Variants in NACC2 observed in about 807,000 individuals in gnomAD.
NACC2 encodes NACC family member 2, also known as nucleus accumbens-associated protein 2.
In NACC2, 8 loss-of-function variants were observed where a neutral mutation model predicts 25.1. That is an observed-to-expected ratio of 0.32 (90% CI 0.19 to 0.57). NACC2 has a LOEUF of 0.57. NACC2 is among the 20% of genes least tolerant of loss of function. The probability of loss-of-function intolerance (pLI) is 0.89; values close to 1 mark genes in which losing one functional copy is unlikely to be tolerated. For synonymous variants in NACC2, 435 were observed against 294.7 expected, an observed-to-expected ratio of 1.48 and a Z score of -4.88; for missense variants, 644 against 650.2, an observed-to-expected ratio of 0.99 and a Z score of 0.10.
In NACC2 at chr9:136,013,175, CCCGAGAGA is replaced by C; in HGVS notation, c.1255+16_1255+23del. On this transcript the variant is annotated intron_variant, in intron 5 of 5. Coordinates refer to ENST00000277554, the MANE Select transcript of NACC2 (RefSeq NM_144653.5). The surrounding 1 kb of genome is among the most constrained non-coding windows in gnomAD (Gnocchi z 6.6). ...CTGAACCCAGCCCCGGCCCCACCCA[CCCGAGAGA>C]CCCCCAGGCTCTTACATTTCACAGC... 7.0e-7 allele frequency: 1 copy of C among 1,431,448 alleles called. No homozygotes were observed. The allele number at this position is 1,431,448 out of a possible 1,614,324, so 88.7% of individuals were successfully genotyped here. A position where few individuals can be genotyped will look rare whatever the true frequency, so the allele number is the denominator to read the frequency against.
intron 1 of NACC2, among the ~76,000 whole-genome samples, chr9:136,091,863 A>T (rs1830436828): frequency 6.6e-6 from 1 of 152,038 alleles, no homozygotes; most frequent in African/African-American, 2.4e-5. Flanking sequence ...CAACAAACAA[A>T]AAAACAGAGG....
At chr9:136,093,957 G>C (rs995476377) in intron 1 of NACC2, among the ~76,000 whole-genome samples, 36 of 152,330 alleles carry the variant, frequency 2.4e-4, no homozygotes, top group African/African-American at 6.7e-4. Flanking sequence ...TCAGGAGCCT[G>C]CCAGACGAAA....
chr9:136,030,197 TC>T (rs1840453919), intron 2 of NACC2, among the ~76,000 whole-genome samples: 3 of 151,928 alleles, frequency 2.0e-5, no homozygotes, highest in Admixed American at 2.0e-4. Context: ...TTCAAAGGAA[TC>T]CTTTAGAAAT....
At chr9:136,047,298 A>C (rs970264730) in intron 2 of NACC2, among the ~76,000 whole-genome samples, 1 of 152,116 alleles carries the variant, frequency 6.6e-6, no homozygotes, top group Non-Finnish European at 1.5e-5. Context: ...CCCCCATGGC[A>C]CCGCCAACCC....
intron 1 of NACC2, among the ~76,000 whole-genome samples, chr9:136,059,640 G>A (rs983339279): frequency 6.6e-6 from 1 of 152,234 alleles, no homozygotes; most frequent in Non-Finnish European, 1.5e-5. Flanking sequence ...GCAGGCCGCA[G>A]GGCCGGGACT....
intron 3 of NACC2, among the ~76,000 whole-genome samples, chr9:136,015,324 C>T (rs1041135641): frequency 6.6e-6 from 1 of 152,228 alleles, no homozygotes; most frequent in Non-Finnish European, 1.5e-5. Flanking sequence ...CAGCACTGCG[C>T]TCGCCATCCA....
chr9:136,015,542 A>G (rs1267017194), intron 3 of NACC2, among the ~76,000 whole-genome samples: 1 of 152,106 alleles, frequency 6.6e-6, no homozygotes, highest in Non-Finnish European at 1.5e-5. Context: ...GCTGGGAGGG[A>G]AGACCCCGAG....
chr9:136,066,462 A>G (rs1841082030), intron 1 of NACC2, among the ~76,000 whole-genome samples: 1 of 152,244 alleles, frequency 6.6e-6, no homozygotes, highest in African/African-American at 2.4e-5. Context: ...ATACCACTTC[A>G]TACCCACTAG....
At chr9:136,093,173 G>C (rs1459588032) in intron 1 of NACC2, among the ~76,000 whole-genome samples, 1 of 152,194 alleles carries the variant, frequency 6.6e-6, no homozygotes, top group Admixed American at 6.5e-5. Flanking sequence ...GGGCCTGGGA[G>C]ACCACACTGC....
intron 1 of NACC2, among the ~76,000 whole-genome samples, chr9:136,057,591 G>A (rs1326502264): frequency 2.0e-5 from 3 of 152,246 alleles, no homozygotes; most frequent in African/African-American, 4.8e-5. Flanking sequence ...CTTGAAGAGC[G>A]TCTCCCTCGG....
chr9:136,050,015 C>A lies in NACC2; in HGVS notation c.507G>T (p.Leu169=). ...TGGCTTCATGCTTTACTCGGGTCAG[C>A]AGCGGGATGGGCACCGAGGGGGACA... The part of the protein sequence containing the change: ...YVVSPSVPIP[L]LTRVKHEAME... The change falls in exon 2 of 6, where the codon CTG becomes CTT. Residue 169 remains leucine, a synonymous_variant. Transcript: ENST00000277554. The A allele has an allele frequency of 1.4e-6, 1 of 692,314 alleles. No individual in the cohort carries two copies. The highest frequency in any genetic ancestry group is 1.6e-5 in the South Asian group (1 of 63,098). The allele number at this position is 692,314 out of a possible 1,614,324, so 42.9% of individuals were successfully genotyped here.
intron 2 of NACC2, among the ~76,000 whole-genome samples, chr9:136,030,891 A>G (rs990621769): frequency 6.6e-6 from 1 of 151,934 alleles, no homozygotes; most frequent in African/African-American, 2.4e-5. Context: ...TTAAACTCCC[A>G]AGTTCAAGTG....
rs1244544456 is a variant in NACC2, at chr9:136,022,170, G to A, written c.887-5741C>T. On this transcript the variant is annotated intron_variant, in intron 2 of 5. Coordinates refer to ENST00000277554, the MANE Select transcript of NACC2 (RefSeq NM_144653.5). The surrounding 1 kb of genome is among the most constrained non-coding windows in gnomAD (Gnocchi z 4.4). The stretch of plus-strand genomic sequence containing the variant: ...TGTGAGGGACACTTGTGAACTTGGT[G>A]GCATCAGGCGCAGAGCAGGTGCACA... Among the ~76,000 whole-genome samples the A allele has an allele frequency of 6.6e-6, 1 of 152,228 alleles. No homozygotes were observed. The highest frequency in any genetic ancestry group is 1.5e-5 in the Non-Finnish European group (1 of 68,042).
At chr9:136,047,661 T>C (rs1840750979) in intron 2 of NACC2, among the ~76,000 whole-genome samples, 5 of 150,518 alleles carry the variant, frequency 3.3e-5, no homozygotes, top group Admixed American at 2.0e-4. Context: ...TACGGGGGAG[T>C]TGGAGGGAAG....
intron 2 of NACC2, among the ~76,000 whole-genome samples, chr9:136,035,194 T>C (rs1840533155): frequency 6.6e-6 from 1 of 152,110 alleles, no homozygotes. Flanking sequence ...GATGGAAGGC[T>C]GAGGACAGGC....
chr9:136,064,711 G>A lies in NACC2; in HGVS notation c.-59-14131C>T, dbSNP rs117363221. 1.6e-3 allele frequency among the ~76,000 whole-genome samples: 244 copies of A among 152,212 alleles called. 3 individuals are homozygous for A. The highest frequency in any genetic ancestry group is 8.5e-3 in the East Asian group (44 of 5,188). On this transcript the variant is annotated intron_variant, in intron 1 of 5. Transcript: ENST00000277554. ...GGTTAATTTCTTTGCCAACATTGTC[G>A]AGCTGATGCTAAAAATTCATATGGA...
chr9:136,078,930 G>A (rs1046312961), intron 1 of NACC2, among the ~76,000 whole-genome samples: 1 of 152,372 alleles, frequency 6.6e-6, no homozygotes, highest in Middle Eastern at 3.4e-3. Flanking sequence ...ATCCCCACGG[G>A]GAGCAGATGC....
chr9:136,011,349 G>T lies in NACC2; in HGVS notation c.*167C>A. Reference sequence around the variant, plus strand: ...CCTAATTGTTTACAGTATAATGAATGCATTTGTTTCCTTCATCAATTTTAA... The same window carrying T: ...CCTAATTGTTTACAGTATAATGAATTCATTTGTTTCCTTCATCAATTTTAA... On this transcript the variant is annotated 3_prime_UTR_variant, in exon 6 of 6. Coordinates refer to ENST00000277554, the MANE Select transcript of NACC2 (RefSeq NM_144653.5). 1.3e-6 allele frequency: 1 copy of T among 753,754 alleles called. No homozygotes were observed. The highest frequency in any genetic ancestry group is 1.9e-6 in the Non-Finnish European group (1 of 540,296). The allele number at this position is 753,754 out of a possible 1,614,324, so 46.7% of individuals were successfully genotyped here. A position where few individuals can be genotyped will look rare whatever the true frequency, so the allele number is the denominator to read the frequency against.
intron 1 of NACC2, among the ~76,000 whole-genome samples, chr9:136,059,465 G>T (rs1261459767): frequency 6.6e-6 from 1 of 152,218 alleles, no homozygotes; most frequent in African/African-American, 2.4e-5. Context: ...CAGCCCAAGG[G>T]GAGTGACCTG....
Sources: gnomAD v4.1 joint callset for allele counts (sites outside exome capture counted in the v4.1 genomes callset) on GRCh38, gnomAD v4.1.1 for gene constraint, Gnocchi (gnomAD v3.1) non-coding constraint, MANE v1.5 for transcripts, NCBI Gene and HGNC (gene_info 2026-07-23, HGNC 2026-07-21) for gene names.